CNOT1: variants seen among roughly 807,000 people sequenced by gnomAD.
The protein encoded by CNOT1 is CCR4-associated factor 1.
CNOT1 carries 15 observed loss-of-function variants against 273.8 expected under a neutral mutation model. The ratio of observed to expected loss-of-function variants is 0.05; its 90% confidence interval spans 0.04 to 0.08. The LOEUF is 0.08. CNOT1 is among the 10% of genes least tolerant of loss of function. The pLI, the probability that CNOT1 is intolerant of heterozygous loss-of-function variation, is 1.00. For missense variants in CNOT1, 1,644 were observed against 2,912.2 expected (o/e 0.56, Z 10.02); for synonymous variants, 1,022 against 1,005.5 (o/e 1.02, Z -0.31).
At chr16:58,525,771 T>A (rs1015850945) in intron 45 of CNOT1, among the ~76,000 whole-genome samples, 5 of 152,210 alleles carry the variant, frequency 3.3e-5, no homozygotes, top group African/African-American at 7.2e-5. Context: ...CTAATGACTG[T>A]CTGTGGTCTA....
chr16:58,608,302 C>G (rs2042760919), intron 1 of CNOT1, among the ~76,000 whole-genome samples: 1 of 152,024 alleles, frequency 6.6e-6, no homozygotes, highest in Non-Finnish European at 1.5e-5. Context: ...ACAACGTAAT[C>G]CCAGTACTAT....
At position 58,574,778 on chromosome 16, in the gene CNOT1, C is replaced by T; in HGVS notation, c.1828-18G>A. 1 of 1,585,664 alleles carries T rather than the reference C, an allele frequency of 6.3e-7. No individual in the cohort carries two copies. Among genetic ancestry groups the T allele is most frequent in the African/African-American group, 1.4e-5 (1 of 72,786 alleles). ...AAAGGCTCCTGAAGAATAGAAAAGTCTCTCAGTGTATTTAAAATTGATCTT... is the reference window on the plus strand; with the variant it reads ...AAAGGCTCCTGAAGAATAGAAAAGTTTCTCAGTGTATTTAAAATTGATCTT... On this transcript the variant is annotated intron_variant, in intron 15 of 48. Transcript: ENST00000317147.
chr16:58,591,085 AC>A (rs2042036114), intron 2 of CNOT1, among the ~76,000 whole-genome samples: 1 of 152,186 alleles, frequency 6.6e-6, no homozygotes, highest in African/African-American at 2.4e-5. Flanking sequence ...AGCTGAGACA[AC>A]CATAGATACA....
intron 16 of CNOT1, among the ~76,000 whole-genome samples, chr16:58,561,668 T>C (rs985795058): frequency 2.0e-5 from 3 of 152,194 alleles, no homozygotes; most frequent in Non-Finnish European, 4.4e-5. Context: ...CTAAAACTTT[T>C]TGAATGCCAA....
intron 1 of CNOT1, among the ~76,000 whole-genome samples, chr16:58,610,540 C>T (rs1006990655): frequency 4.6e-5 from 7 of 152,020 alleles, no homozygotes; most frequent in African/African-American, 1.7e-4. Context: ...TCCGTCTCTA[C>T]TAAAAATACA....
intron 6 of CNOT1, among the ~76,000 whole-genome samples, 199 bp from the exon 7 acceptor site, chr16:58,586,947 G>C (rs781486118): frequency 6.6e-6 from 1 of 152,182 alleles, no homozygotes; most frequent in Non-Finnish European, 1.5e-5. Context: ...GAGAGTTGTT[G>C]ATGGGCATAG....
At chr16:58,617,071 C>G (rs1401222053) in intron 1 of CNOT1, among the ~76,000 whole-genome samples, 3 of 152,134 alleles carry the variant, frequency 2.0e-5, no homozygotes, top group Non-Finnish European at 4.4e-5. Context: ...AATTAAACAT[C>G]TTGCAAGAGG....
Position 58,555,444 on chromosome 16 carries a change from G to A in CNOT1, c.2698C>T (p.Arg900Cys), listed in dbSNP as rs2040599000. 1 of 1,614,058 alleles carries A rather than the reference G, an allele frequency of 6.2e-7. No homozygotes were observed. Among genetic ancestry groups the A allele is most frequent in the Non-Finnish European group, 8.5e-7 (1 of 1,180,000 alleles). ...CMLRNLFEEY[R>C]FFPQYPDKEL... The stretch of plus-strand genomic sequence containing the variant: ...TTATCAGGATACTGGGGAAAAAAAC[G>A]ATATTCTTCAAACAAGTTCCTTAGC... The change falls in exon 21 of 49, where the codon CGT becomes TGT. Residue 900 changes from arginine to cysteine, a missense_variant. Arg to Cys is a radical substitution (Grantham distance 180). This residue lies in a region of CNOT1 where 74 missense variants were observed against 184.6 expected (regional missense o/e 0.40). Transcript: ENST00000317147.
chr16:58,601,506 T>C (rs976794461), intron 1 of CNOT1, among the ~76,000 whole-genome samples: 7 of 152,122 alleles, frequency 4.6e-5, no homozygotes, highest in African/African-American at 1.7e-4. Context: ...CCGCTTGTAA[T>C]TTCATTACAA....
rs1352160511 is a variant in CNOT1 at position 58,532,333 on chromosome 16, C to A, written c.5958G>T (p.Gln1986His). ...TAAAAATTCGATGGTAGGGAAGTTG[C>A]TGAAATTCACTCTGACGAACATCAT... ...QDHDVRQSEF[Q>H]QLPYHRIFIM... Residue 1986 changes from glutamine (Q) to histidine (H), a missense_variant, in exon 41 of 49, where the codon CAG becomes CAT. Coordinates refer to ENST00000317147, the MANE Select transcript of CNOT1 (RefSeq NM_016284.5). The A allele has an allele frequency of 7.4e-6, 12 of 1,614,166 alleles. No homozygotes were observed. The highest frequency in any genetic ancestry group is 1.0e-5 in the Non-Finnish European group (12 of 1,180,026).
intron 16 of CNOT1, among the ~76,000 whole-genome samples, chr16:58,563,732 T>A (rs911165416): frequency 5.9e-5 from 9 of 152,194 alleles, no homozygotes; most frequent in African/African-American, 1.7e-4. Flanking sequence ...AGGCACATAC[T>A]ATATTAGCAA....
chr16:58,619,452 G>A (rs1423118560), intron 1 of CNOT1, among the ~76,000 whole-genome samples: 1 of 149,930 alleles, frequency 6.7e-6, no homozygotes, highest in African/African-American at 2.5e-5. Context: ...TTTTGAGACA[G>A]CGTCTCGCTC....
intron 16 of CNOT1, among the ~76,000 whole-genome samples, chr16:58,567,783 T>C (rs1288663409): frequency 6.6e-6 from 1 of 152,182 alleles, no homozygotes. Flanking sequence ...GCTTAGAAGC[T>C]GACAGCCCTC....
chr16:58,623,037 A>C (rs1350673287), intron 1 of CNOT1, among the ~76,000 whole-genome samples: 1 of 151,858 alleles, frequency 6.6e-6, no homozygotes, highest in Non-Finnish European at 1.5e-5. Context: ...GTCTCTACTA[A>C]AAATACAAAA....
At chr16:58,605,148 AAAAC>A (rs1304794104) in intron 1 of CNOT1, among the ~76,000 whole-genome samples, 7 of 151,786 alleles carry the variant, frequency 4.6e-5, no homozygotes, top group South Asian at 2.1e-4. Flanking sequence ...AACAAAAACA[AAAAC>A]AAACAAACAC....
intron 1 of CNOT1, among the ~76,000 whole-genome samples, chr16:58,627,274 C>T (rs1446650686): frequency 6.6e-6 from 1 of 151,460 alleles, no homozygotes; most frequent in Admixed American, 6.6e-5. Context: ...GGTGTGGTGG[C>T]GGGCACCTGT....
intron 42 of CNOT1, 55 bp from the exon 43 acceptor site, chr16:58,530,402 C>T (rs2039741077): frequency 7.4e-7 from 1 of 1,349,354 alleles, no homozygotes; most frequent in Admixed American, 1.8e-5. Context: ...TTTTCAGCCA[C>T]TACAAGTCGC....
rs2043023832 is a variant in CNOT1, at chr16:58,614,960, GGTCTCCTGACGTGCTGGGATTACA to G, written c.-175+14744_-175+14767del. Among the ~76,000 whole-genome samples the G allele has an allele frequency of 1.6e-5, 2 of 121,912 alleles. 1 individual carries two copies. The highest frequency in any genetic ancestry group is 3.9e-5 in the Non-Finnish European group (2 of 51,556). 80.0% of individuals were successfully genotyped at this position (121,912 alleles called of 152,430 possible). A position where few individuals can be genotyped will look rare whatever the true frequency, so the allele number is the denominator to read the frequency against. On this transcript the variant is annotated intron_variant, in intron 1 of 48. Coordinates refer to ENST00000317147, the MANE Select transcript of CNOT1 (RefSeq NM_016284.5). ...TGGCCTCAACTGATCTGCCCGCCACGGTCTCCTGACGTGCTGGGATTACAGGCATCAGCCACAGCACTGGGCCTG... is the reference window on the plus strand; with the variant it reads ...TGGCCTCAACTGATCTGCCCGCCACGGGCATCAGCCACAGCACTGGGCCTG...
intron 1 of CNOT1, among the ~76,000 whole-genome samples, chr16:58,615,234 A>ATT (rs2043034394): frequency 8.0e-6 from 1 of 124,538 alleles, no homozygotes; most frequent in Non-Finnish European, 1.9e-5. Context: ...CTGGGAAGCT[A>ATT]CTTTGATTGG....
Sources: allele counts gnomAD v4.1 joint callset (sites outside exome capture counted in the v4.1 genomes callset), GRCh38; gene constraint gnomAD v4.1.1; regional missense constraint gnomAD v4.1.1; transcripts MANE v1.5; gene names NCBI Gene and HGNC (gene_info 2026-07-23, HGNC 2026-07-21).